Variants in TAF3 observed in about 807,000 individuals in gnomAD.
TAF3 encodes TATA-box binding protein associated factor 3.
In TAF3, 7 loss-of-function variants were observed where a neutral mutation model predicts 80.6. The ratio of observed to expected loss-of-function variants is 0.09; its 90% CI spans 0.05 to 0.16. The LOEUF (loss-of-function observed/expected upper bound fraction) is 0.16. Among genes scored for constraint, TAF3 ranks in the 10% least tolerant of loss-of-function variants. The pLI, the probability that TAF3 is intolerant of heterozygous loss-of-function variation, is 1.00. For missense variants in TAF3, 921 were observed against 1,140.2 expected (o/e 0.81, Z 2.77); for synonymous variants, 444 against 446.1 (o/e 1.00, Z 0.06).
intron 2 of TAF3, among the ~76,000 whole-genome samples, chr10:7,960,570 G>C (rs550911326): frequency 6.6e-6 from 1 of 152,122 alleles, no homozygotes; most frequent in African/African-American, 2.4e-5. Flanking sequence ...ACGGGGAATC[G>C]CATGTGCAGA....
At chr10:8,012,691 G>C (rs534277283) in intron 5 of TAF3, among the ~76,000 whole-genome samples, 3 of 152,268 alleles carry the variant, frequency 2.0e-5, no homozygotes, top group South Asian at 4.1e-4. Context: ...GATTTCTTTA[G>C]GAAGTTTTCC....
intron 4 of TAF3, among the ~76,000 whole-genome samples, chr10:7,994,309 A>G (rs1232691250): frequency 2.6e-5 from 4 of 152,116 alleles, no homozygotes; most frequent in Non-Finnish European, 4.4e-5. Context: ...AATTTCTCCA[A>G]GGAACATTGG....
At chr10:7,924,978 T>C (rs1837801338) in intron 2 of TAF3, among the ~76,000 whole-genome samples, 1 of 152,216 alleles carries the variant, frequency 6.6e-6, no homozygotes, top group Non-Finnish European at 1.5e-5. Context: ...TGTTTCATGC[T>C]GTTAAAAGTG....
chr10:7,980,081 G>T (rs1301742271), intron 4 of TAF3, among the ~76,000 whole-genome samples: 1 of 152,116 alleles, frequency 6.6e-6, no homozygotes, highest in Non-Finnish European at 1.5e-5. Context: ...CTGTCACTGT[G>T]CCTGTGGTTA....
chr10:7,866,038 A>C (rs1837211525), intron 2 of TAF3, among the ~76,000 whole-genome samples: 1 of 152,212 alleles, frequency 6.6e-6, no homozygotes. Flanking sequence ...GTTGGTGGGA[A>C]AGAATATTTG....
chr10:7,821,703 A>G (rs1045756769), intron 1 of TAF3, among the ~76,000 whole-genome samples: 2 of 152,218 alleles, frequency 1.3e-5, no homozygotes, highest in Non-Finnish European at 2.9e-5. Flanking sequence ...CAGGTGCTAA[A>G]TCTTTCAGAC....
At chr10:7,881,116 G>A (rs1438582702) in intron 2 of TAF3, among the ~76,000 whole-genome samples, 1 of 151,832 alleles carries the variant, frequency 6.6e-6, no homozygotes, top group Non-Finnish European at 1.5e-5. Context: ...CATATCTGTA[G>A]TCCCAGCTAC....
At chr10:7,855,300 G>A (rs777173056) in intron 2 of TAF3, among the ~76,000 whole-genome samples, 1 of 152,192 alleles carries the variant, frequency 6.6e-6, no homozygotes, top group Non-Finnish European at 1.5e-5. Flanking sequence ...CAGCTGAGCA[G>A]CTGCCTCTAC....
chr10:7,886,577 T>G (rs1310779792), intron 2 of TAF3, among the ~76,000 whole-genome samples: 2 of 152,266 alleles, frequency 1.3e-5, no homozygotes, highest in African/African-American at 4.8e-5. Flanking sequence ...ATCTGAAATT[T>G]CTTTATCAGT....
chr10:7,825,923 ACT>A (rs1836736040), intron 2 of TAF3, among the ~76,000 whole-genome samples: 1 of 152,120 alleles, frequency 6.6e-6, no homozygotes, highest in South Asian at 2.1e-4. Context: ...GAAGCACCAC[ACT>A]GTTTTCCACA....
Position 8,009,075 on chromosome 10 carries a change from C to T in TAF3, c.2316-3C>T, listed in dbSNP as rs1357370511. On this transcript the variant is annotated splice_region_variant and splice_polypyrimidine_tract_variant and intron_variant, in intron 4 of 6. Coordinates refer to ENST00000344293, the MANE Select transcript of TAF3 (RefSeq NM_031923.4). This position sits in a 1 kb window ranked among gnomAD's most constrained non-coding sequence, Gnocchi z 4.1. The stretch of plus-strand genomic sequence containing the variant: ...CTTTTACCTTCTCTTCTTTTGTTGA[C>T]AGTGTCATCAGCAAGGTGGTCCCTG... 1.6e-5 allele frequency: 26 copies of T among 1,599,932 alleles called. No homozygotes were observed. The highest frequency in any genetic ancestry group is 2.1e-5 in the Non-Finnish European group (25 of 1,173,882).
chr10:7,821,377 CACTT>C, intron 1 of TAF3, among the ~76,000 whole-genome samples: 1 of 152,144 alleles, frequency 6.6e-6, no homozygotes, highest in Non-Finnish European at 1.5e-5. Flanking sequence ...TTTTAACAAA[CACTT>C]ACTGAGCATC....
chr10:7,946,992 C>A (rs1433620860), intron 2 of TAF3, among the ~76,000 whole-genome samples: 1 of 152,162 alleles, frequency 6.6e-6, no homozygotes, highest in Non-Finnish European at 1.5e-5. Flanking sequence ...GAACTCCTGG[C>A]CTTAAGAGAT....
chr10:7,995,189 A>G (rs1275565088), intron 4 of TAF3, among the ~76,000 whole-genome samples: 1 of 152,134 alleles, frequency 6.6e-6, no homozygotes, highest in Non-Finnish European at 1.5e-5. Flanking sequence ...TGCTTACAAA[A>G]TGCTGTCCTA....
intron 2 of TAF3, among the ~76,000 whole-genome samples, chr10:7,929,455 G>A (rs1208412316): frequency 4.6e-5 from 7 of 152,160 alleles, no homozygotes; most frequent in Admixed American, 3.3e-4. Flanking sequence ...AGGCTGGAGT[G>A]CTCCTGATCT....
chr10:7,971,452 GTT>G (rs5783006), intron 3 of TAF3, among the ~76,000 whole-genome samples: 2,185 of 139,262 alleles, frequency 0.016, 53 homozygotes, highest in African/African-American at 0.049. Flanking sequence ...CATATATGGT[GTT>G]TTTTTTTTTT....
chr10:7,921,636 A>T (rs1837763084), intron 2 of TAF3, among the ~76,000 whole-genome samples: 1 of 152,190 alleles, frequency 6.6e-6, no homozygotes. Flanking sequence ...AAAATGTAAA[A>T]TACCTTTTAC....
chr10:7,859,197 C>T (rs947971313), intron 2 of TAF3, among the ~76,000 whole-genome samples: 1 of 151,742 alleles, frequency 6.6e-6, no homozygotes, highest in Non-Finnish European at 1.5e-5. Context: ...GGAGGCGGAT[C>T]TTGCAGTGAG....
chr10:7,996,684 G>T (rs542116838), intron 4 of TAF3, among the ~76,000 whole-genome samples: 1 of 151,704 alleles, frequency 6.6e-6, no homozygotes, highest in South Asian at 2.1e-4. Context: ...TTGAGGCAGG[G>T]TCTCACTCTG....
Sources: gnomAD v4.1 joint callset for allele counts (sites outside exome capture counted in the v4.1 genomes callset) on GRCh38, gnomAD v4.1.1 for gene constraint, Gnocchi (gnomAD v3.1) non-coding constraint, MANE v1.5 for transcripts, NCBI Gene and HGNC (gene_info 2026-07-23, HGNC 2026-07-21) for gene names.